PCDHA1: variants seen among roughly 807,000 people sequenced by gnomAD.
PCDHA1 encodes the protein protocadherin alpha-1.
PCDHA1 carries 42 observed loss-of-function variants against 61.3 expected under a neutral mutation model. The ratio of observed to expected loss-of-function variants is 0.69; its 90% CI spans 0.54 to 0.89. The LOEUF (loss-of-function observed/expected upper bound fraction) is 0.89, where lower values mean the gene tolerates loss of function less well. Among genes scored for constraint, PCDHA1 ranks in the 40% least tolerant of loss-of-function variants. PCDHA1 has a pLI of 0.00. For synonymous variants in PCDHA1, 610 were observed against 553.8 expected, an observed-to-expected ratio of 1.10 and a Z score of -1.43; for missense variants, 1,256 against 1,235.3, an observed-to-expected ratio of 1.02 and a Z score of -0.25.
chr5:140,995,998 C>T (rs1197239441), intron 3 of PCDHA1, among the ~76,000 whole-genome samples: 1 of 152,192 alleles, frequency 6.6e-6, no homozygotes, highest in Non-Finnish European at 1.5e-5. Context: ...TCAAAAATGT[C>T]GTCAGAACTA....
At chr5:140,993,364 T>G (rs1285844193) in intron 3 of PCDHA1, among the ~76,000 whole-genome samples, 1 of 151,930 alleles carries the variant, frequency 6.6e-6, no homozygotes, top group Non-Finnish European at 1.5e-5. Flanking sequence ...TCACAAAAAC[T>G]ACCTCCCAGC....
rs544791644 is a variant in PCDHA1, at chr5:140,937,295, C to G, written c.2395-41654C>G. Among the ~76,000 whole-genome samples the G allele has an allele frequency of 1.0e-3, 157 of 152,202 alleles. 1 individual carries two copies. Among genetic ancestry groups the G allele is most frequent in the Admixed American group, 4.7e-3 (72 of 15,286 alleles). On this transcript the variant is annotated intron_variant, in intron 1 of 3. Transcript: ENST00000504120. ...CTCGTGATTCACCCGCTTCGGCCTC[C>G]CAAAGTGCTGGGATTACAGGCGTGA...
chr5:140,949,050 T>C lies in PCDHA1; in HGVS notation c.2395-29899T>C, dbSNP rs561017467. 5.3e-5 allele frequency among the ~76,000 whole-genome samples: 8 copies of C among 151,896 alleles called. No homozygotes were observed. The East Asian group carries it at 1.5e-3, about 29-fold the overall frequency. On this transcript the variant is annotated intron_variant, in intron 1 of 3. Coordinates refer to ENST00000504120, the MANE Select transcript of PCDHA1 (RefSeq NM_018900.4). ...TATTCATTTAAAAGTATGTTCTAAT[T>C]TCCATTATGATTTAACTCTTTCACC...
intron 1 of PCDHA1, chr5:140,850,718 TTCTAGCGCGGTGGGGAGTTGGTCGTAC>T (rs2041783529): frequency 1.3e-6 from 2 of 1,597,556 alleles, no homozygotes; most frequent in African/African-American, 2.7e-5. Flanking sequence ...CGCTGGTGTG[TTCTAGCGCGGTGGGGAGTTGGTCGTAC>T]TCGCAGCAGA....
chr5:140,809,545 G>T, intron 1 of PCDHA1: 1 of 1,613,146 alleles, frequency 6.2e-7, no homozygotes, highest in Non-Finnish European at 8.5e-7. Flanking sequence ...AAGATCAGCT[G>T]CAGACAACTG....
chr5:140,860,129 G>GTGTGTATATA (rs1168748861), intron 1 of PCDHA1: 1 of 150,592 alleles, frequency 6.6e-6, no homozygotes, highest in Non-Finnish European at 1.5e-5. Flanking sequence ...TACTGTGTGT[G>GTGTGTATATA]TGTGTATATA....
At position 140,950,404 on chromosome 5, in the gene PCDHA1, T is replaced by C. The variant is rs947428237; in HGVS notation, c.2395-28545T>C. ...TTGAATGATATAGAATTCTGGGGGATTGACAGATTTTATTTTCTTCCACTT... is the reference window on the plus strand; with the variant it reads ...TTGAATGATATAGAATTCTGGGGGACTGACAGATTTTATTTTCTTCCACTT... On this transcript the variant is annotated intron_variant, in intron 1 of 3. Coordinates refer to ENST00000504120, the MANE Select transcript of PCDHA1 (RefSeq NM_018900.4). 2.0e-5 allele frequency among the ~76,000 whole-genome samples: 3 copies of C among 152,044 alleles called. 1 individual carries two copies. Among genetic ancestry groups the C allele is most frequent in the East Asian group, 1.9e-4 (1 of 5,204 alleles).
chr5:140,934,703 A>G (rs1348150058), intron 1 of PCDHA1, among the ~76,000 whole-genome samples: 1 of 152,156 alleles, frequency 6.6e-6, no homozygotes, highest in Non-Finnish European at 1.5e-5. Flanking sequence ...ATTCCTGGCC[A>G]TCTTACAAAA....
At chr5:140,850,194 A>G (rs1581216724) in intron 1 of PCDHA1, 2 of 1,592,988 alleles carry the variant, frequency 1.3e-6, no homozygotes, top group East Asian at 2.3e-5. Context: ...GGCGCTGCTG[A>G]CACCTCGGAT....
Position 140,928,056 on chromosome 5 carries a change from G to A in PCDHA1, c.2395-50893G>A, listed in dbSNP as rs183490994. ...CTAGTGCAGGCCCTTTTCAGCTGAC[G>A]GCTTCCTTTGACAACTACTACAGCC... On this transcript the variant is annotated intron_variant, in intron 1 of 3. Coordinates refer to ENST00000504120, the MANE Select transcript of PCDHA1 (RefSeq NM_018900.4). The A allele has an allele frequency of 2.8e-5, 45 of 1,614,154 alleles. 1 individual carries two copies. The East Asian group carries it at 4.7e-4, about 17-fold the overall frequency.
chr5:140,877,811 G>T (rs1256619106), intron 1 of PCDHA1: 1 of 1,610,242 alleles, frequency 6.2e-7, no homozygotes, highest in Non-Finnish European at 8.5e-7. Flanking sequence ...CAGCTGTCTC[G>T]AGAAGATTGT....
At chr5:140,928,666 T>C in intron 1 of PCDHA1, 8 of 1,614,212 alleles carry the variant, frequency 5.0e-6, no homozygotes, top group Non-Finnish European at 6.8e-6. Context: ...TGACAGTGGT[T>C]CTAATGCCTG....
In PCDHA1 at chr5:140,952,684, C is replaced by T. The variant is rs1165956619; in HGVS notation, c.2395-26265C>T. On this transcript the variant is annotated intron_variant, in intron 1 of 3. Coordinates refer to ENST00000504120, the MANE Select transcript of PCDHA1 (RefSeq NM_018900.4). The stretch of plus-strand genomic sequence containing the variant: ...AAAGTCACTTTCACATTTTCAGGAT[C>T]TTTATAGCAATATCCCACTCTCAGT... Among the ~76,000 whole-genome samples the T allele has an allele frequency of 2.0e-5, 3 of 152,308 alleles. No individual in the cohort carries two copies. The East Asian group carries it at 5.8e-4, about 29-fold the overall frequency.
At chr5:140,946,720 A>C (rs1460843213) in intron 1 of PCDHA1, among the ~76,000 whole-genome samples, 4 of 150,970 alleles carry the variant, frequency 2.6e-5, no homozygotes, top group African/African-American at 9.8e-5. Flanking sequence ...ATGTTTAGTT[A>C]AATAAGCCAG....
intron 1 of PCDHA1, among the ~76,000 whole-genome samples, chr5:140,956,087 C>T (rs2095255787): frequency 6.6e-6 from 1 of 152,178 alleles, no homozygotes; most frequent in Admixed American, 6.5e-5. Context: ...ATCATGTCAT[C>T]TGCAAACAAA....
rs147219331 is a variant in PCDHA1, at chr5:140,927,900, T to C, written c.2395-51049T>C. On this transcript the variant is annotated intron_variant, in intron 1 of 3. Transcript: ENST00000504120. Reference sequence around the variant, plus strand: ...TGGAGGTGACTGACGTGAACGATCATGCCCCCGAACTGGACTTCCTGACTC... The same window carrying C: ...TGGAGGTGACTGACGTGAACGATCACGCCCCCGAACTGGACTTCCTGACTC... 2,142 of 1,614,232 alleles carry C rather than the reference T, an allele frequency of 1.3e-3. 2 individuals are homozygous for C. The highest frequency in any genetic ancestry group is 1.7e-3 in the Non-Finnish European group (2,053 of 1,180,040).
In PCDHA1 at chr5:140,856,987, C is replaced by T. The variant is rs144244943; in HGVS notation, c.2394+68303C>T. ...ATGCTATTGACTTTGAGGACAGTAA[C>T]ACTTATGAAATTCATGTAGATGTTA... On this transcript the variant is annotated intron_variant, in intron 1 of 3. Coordinates refer to ENST00000504120, the MANE Select transcript of PCDHA1 (RefSeq NM_018900.4). The T allele has an allele frequency of 7.5e-6, 12 of 1,595,122 alleles. No individual in the cohort carries two copies. The African/African-American group carries it at 1.3e-4, about 18-fold the overall frequency.
chr5:140,959,078 A>C (rs1489301308), intron 1 of PCDHA1, among the ~76,000 whole-genome samples: 1 of 152,128 alleles, frequency 6.6e-6, no homozygotes, highest in Non-Finnish European at 1.5e-5. Flanking sequence ...ATTCAGTATT[A>C]TCCTTGGTTT....
intron 1 of PCDHA1, chr5:140,851,502 T>C (rs1581260413): frequency 6.6e-6 from 6 of 903,186 alleles, no homozygotes; most frequent in Middle Eastern, 1.2e-3. Context: ...TTTCAACTTA[T>C]ATAAAATATG....
Sources: allele counts gnomAD v4.1 joint callset (sites outside exome capture counted in the v4.1 genomes callset), GRCh38; gene constraint gnomAD v4.1.1; transcripts MANE v1.5; gene names NCBI Gene and HGNC (gene_info 2026-07-23, HGNC 2026-07-21).